NDFIP2: variants seen among roughly 807,000 people sequenced by gnomAD.
NDFIP2 encodes the protein NEDD4 family-interacting protein 2.
A neutral mutation model predicts 36.0 loss-of-function variants in NDFIP2; 19 were observed. That is an observed-to-expected ratio of 0.53 (90% confidence interval 0.37 to 0.77). The LOEUF (loss-of-function observed/expected upper bound fraction) is 0.77, where lower values mean the gene tolerates loss of function less well. Among genes scored for constraint, NDFIP2 ranks in the 30% least tolerant of loss-of-function variants. The pLI is 0.00. For missense variants in NDFIP2, 446 were observed against 435.8 expected (o/e 1.02, Z -0.21); for synonymous variants, 181 against 167.7 (o/e 1.08, Z -0.61).
At chr13:79,504,016 G>A (rs1053300546) in intron 1 of NDFIP2, among the ~76,000 whole-genome samples, 2 of 152,136 alleles carry the variant, frequency 1.3e-5, no homozygotes, top group African/African-American at 4.8e-5. Flanking sequence ...GCCATTCATG[G>A]AAAGTTGGAG....
Position 79,482,169 on chromosome 13 carries a change from C to CTTTTT in NDFIP2, c.321+667_321+671dup, listed in dbSNP as rs10558361. On this transcript the variant is annotated intron_variant, in intron 1 of 7. Transcript: ENST00000218652. ...CCACTTTTTCTTTCTTTCTTTCTTTCTTTTTTTTTTTTTTTTTTTTTTTTT... is the reference window on the plus strand; with the variant it reads ...CCACTTTTTCTTTCTTTCTTTCTTTCTTTTTTTTTTTTTTTTTTTTTTTTTTTTTT... Among the ~76,000 whole-genome samples, 97 of 75,880 alleles carry CTTTTT rather than the reference C, an allele frequency of 1.3e-3. 2 individuals are homozygous for CTTTTT. The highest frequency in any genetic ancestry group is 4.2e-3 in the East Asian group (8 of 1,924). 49.8% of individuals were successfully genotyped at this position (75,880 alleles called of 152,430 possible). A position where few individuals can be genotyped will look rare whatever the true frequency, so the allele number is the denominator to read the frequency against.
At chr13:79,514,660 A>G (rs919802278) in intron 1 of NDFIP2, among the ~76,000 whole-genome samples, 2 of 152,230 alleles carry the variant, frequency 1.3e-5, no homozygotes, top group Non-Finnish European at 2.9e-5. Flanking sequence ...TTGAACATAT[A>G]TAAATACAGA....
chr13:79,525,833 C>T (rs76201782), intron 2 of NDFIP2, among the ~76,000 whole-genome samples: 16 of 152,268 alleles, frequency 1.1e-4, no homozygotes, highest in Non-Finnish European at 1.5e-4. Flanking sequence ...AAAGCAAAAC[C>T]GTGCATAAGG....
intron 1 of NDFIP2, among the ~76,000 whole-genome samples, chr13:79,511,275 G>A (rs958961594): frequency 9.9e-5 from 15 of 152,146 alleles, no homozygotes; most frequent in Admixed American, 3.9e-4. Flanking sequence ...TGTCAAAGAC[G>A]TATAATTTGG....
intron 1 of NDFIP2, among the ~76,000 whole-genome samples, chr13:79,498,353 AATG>A (rs1296556747): frequency 6.6e-6 from 1 of 151,952 alleles, no homozygotes; most frequent in Non-Finnish European, 1.5e-5. Context: ...ATGGCATTAT[AATG>A]ATCATTATAA....
intron 1 of NDFIP2, among the ~76,000 whole-genome samples, chr13:79,498,642 G>A (rs1308403806): frequency 6.6e-6 from 1 of 151,918 alleles, no homozygotes; most frequent in Non-Finnish European, 1.5e-5. Context: ...GAGATTATGA[G>A]AGAGAAAGAA....
intron 1 of NDFIP2, among the ~76,000 whole-genome samples, chr13:79,500,183 A>G (rs1051463958): frequency 6.6e-6 from 1 of 150,510 alleles, no homozygotes; most frequent in African/African-American, 2.5e-5. Flanking sequence ...AAAAAAAAAA[A>G]TGAACTTAAG....
At chr13:79,508,363 A>C (rs1390169363) in intron 1 of NDFIP2, among the ~76,000 whole-genome samples, 2 of 152,242 alleles carry the variant, frequency 1.3e-5, no homozygotes, top group African/African-American at 4.8e-5. Context: ...GAAAGAAATC[A>C]GGGTGAGTCC....
intron 1 of NDFIP2, among the ~76,000 whole-genome samples, chr13:79,519,548 G>T (rs576336492): frequency 6.6e-6 from 1 of 152,210 alleles, no homozygotes; most frequent in Non-Finnish European, 1.5e-5. Context: ...CTTTCTTACT[G>T]TTGTGACATA....
chr13:79,500,836 G>A (rs774780568), intron 1 of NDFIP2, among the ~76,000 whole-genome samples: 1 of 152,044 alleles, frequency 6.6e-6, no homozygotes, highest in Non-Finnish European at 1.5e-5. Flanking sequence ...CGAAGGAGTT[G>A]TAAGCTTACG....
chr13:79,487,279 T>G (rs1873040498), intron 1 of NDFIP2, among the ~76,000 whole-genome samples: 1 of 152,240 alleles, frequency 6.6e-6, no homozygotes, highest in East Asian at 1.9e-4. Flanking sequence ...TCATACAGCA[T>G]GTAGTCTACA....
At position 79,510,614 on chromosome 13, in the gene NDFIP2, T is replaced by C. The variant is rs773751254; in HGVS notation, c.322-10196T>C. On this transcript the variant is annotated intron_variant, in intron 1 of 7. Transcript: ENST00000218652. ...TACCATCTTGAGGTTATAGAAAGAATGGGGCTTGGATTGTGGGCAAAATAG... is the reference window on the plus strand; with the variant it reads ...TACCATCTTGAGGTTATAGAAAGAACGGGGCTTGGATTGTGGGCAAAATAG... Among the ~76,000 whole-genome samples, 3 of 152,024 alleles carry C rather than the reference T, an allele frequency of 2.0e-5. No individual in the cohort carries two copies. The East Asian group carries it at 5.8e-4, about 29-fold the overall frequency.
At chr13:79,513,820 A>G (rs987717079) in intron 1 of NDFIP2, among the ~76,000 whole-genome samples, 1 of 152,094 alleles carries the variant, frequency 6.6e-6, no homozygotes, top group African/African-American at 2.4e-5. Flanking sequence ...AGATTTGTAA[A>G]TACTTTTTTT....
rs575227991 is a variant in NDFIP2, at chr13:79,492,244, AGT to A, written c.321+10722_321+10723del. ...GGATATTGGACTGAGGAAATCCAGT[AGT>A]GACACCTTTTTTTTTTTTTTTTTCC... is the stretch of plus-strand genomic sequence containing the variant. On this transcript the variant is annotated intron_variant, in intron 1 of 7. Transcript: ENST00000218652. 3.9e-3 allele frequency among the ~76,000 whole-genome samples: 577 copies of A among 146,882 alleles called. 2 individuals carry two copies. The highest frequency in any genetic ancestry group is 0.027 in the South Asian group (126 of 4,620).
chr13:79,522,952 GACTA>G (rs1355420877), intron 2 of NDFIP2, among the ~76,000 whole-genome samples: 1 of 152,158 alleles, frequency 6.6e-6, no homozygotes, highest in East Asian at 1.9e-4. Context: ...AGAACTTGAA[GACTA>G]ACTTTTAAAA....
At chr13:79,525,397 G>A (rs990759238) in intron 2 of NDFIP2, among the ~76,000 whole-genome samples, 9 of 152,140 alleles carry the variant, frequency 5.9e-5, no homozygotes, top group Non-Finnish European at 1.0e-4. Flanking sequence ...CGTTTTTACT[G>A]TAGATCTTAG....
intron 1 of NDFIP2, among the ~76,000 whole-genome samples, chr13:79,495,053 T>A (rs1566654664): frequency 6.6e-6 from 1 of 151,960 alleles, no homozygotes; most frequent in Non-Finnish European, 1.5e-5. Flanking sequence ...TTTTTGTGTG[T>A]CTAATTTCTA....
At chr13:79,545,076 T>TA (rs1594860071) in intron 5 of NDFIP2, among the ~76,000 whole-genome samples, 2 of 152,234 alleles carry the variant, frequency 1.3e-5, no homozygotes, top group East Asian at 1.9e-4. Flanking sequence ...AAATTATTAT[T>TA]AAAAAAACCT....
chr13:79,534,170 G>A (rs996410581), intron 3 of NDFIP2, among the ~76,000 whole-genome samples: 6 of 151,978 alleles, frequency 3.9e-5, no homozygotes, highest in African/African-American at 1.4e-4. Context: ...TGCTGTCCAT[G>A]TACTTATTTA....
Sources: allele counts gnomAD v4.1 joint callset (sites outside exome capture counted in the v4.1 genomes callset), GRCh38; gene constraint gnomAD v4.1.1; transcripts MANE v1.5; gene names NCBI Gene and HGNC (gene_info 2026-07-23, HGNC 2026-07-21).